Variants in ARHGAP24 observed in about 807,000 individuals in gnomAD.
The protein encoded by ARHGAP24 is rho GTPase-activating protein 24.
Under a neutral mutation model 76.4 loss-of-function variants are expected in ARHGAP24, and 50 were observed. That is an observed-to-expected ratio of 0.65 (90% CI 0.52 to 0.83). The LOEUF is 0.83. Among genes scored for constraint, ARHGAP24 ranks in the 40% least tolerant of loss-of-function variants. ARHGAP24 has a pLI of 0.00. For missense variants in ARHGAP24, 930 were observed against 914.2 expected (o/e 1.02, Z -0.22); for synonymous variants, 345 against 323.3 (o/e 1.07, Z -0.72).
At chr4:85,569,682 A>G (rs1726997914) in intron 1 of ARHGAP24, among the ~76,000 whole-genome samples, 1 of 152,202 alleles carries the variant, frequency 6.6e-6, no homozygotes, top group Non-Finnish European at 1.5e-5. Context: ...TAGCAAAAGC[A>G]GGTGTTTTTG....
At chr4:85,512,420 T>C (rs1724321036) in intron 1 of ARHGAP24, among the ~76,000 whole-genome samples, 1 of 152,248 alleles carries the variant, frequency 6.6e-6, no homozygotes, top group Admixed American at 6.5e-5. Context: ...CCTGGCTTAG[T>C]GTAGTTGCAC....
rs1023368926 is a variant in ARHGAP24 at position 85,663,058 on chromosome 4, G to A, written c.181-58827G>A. 5.9e-5 allele frequency among the ~76,000 whole-genome samples: 9 copies of A among 151,992 alleles called. 1 individual carries two copies. Among genetic ancestry groups the A allele is most frequent in the African/African-American group, 2.2e-4 (9 of 41,354 alleles). The stretch of plus-strand genomic sequence containing the variant: ...AGTTTTTTCCAATTCTCTAAAGAAA[G>A]TCATTGGTAGCTTGATGGGGATGGC... On this transcript the variant is annotated intron_variant, in intron 2 of 9. Coordinates refer to ENST00000395184, the MANE Select transcript of ARHGAP24 (RefSeq NM_001025616.3).
chr4:85,689,412 AG>A (rs1723548630), intron 2 of ARHGAP24, among the ~76,000 whole-genome samples: 1 of 151,970 alleles, frequency 6.6e-6, no homozygotes, highest in Admixed American at 6.6e-5. Flanking sequence ...TTTGAAACAG[AG>A]TCTTGCTCTG....
intron 2 of ARHGAP24, among the ~76,000 whole-genome samples, chr4:85,645,149 T>A (rs1486942833): frequency 6.6e-6 from 1 of 152,140 alleles, no homozygotes; most frequent in Admixed American, 6.6e-5. Context: ...GTTTGTAGCT[T>A]AAGATAAAAA....
At chr4:85,705,120 A>T (rs951387194) in intron 2 of ARHGAP24, among the ~76,000 whole-genome samples, 8 of 152,128 alleles carry the variant, frequency 5.3e-5, no homozygotes, top group African/African-American at 1.9e-4. Context: ...ATAATAACAC[A>T]CTATAATTTG....
At chr4:85,732,949 C>T (rs1014460608) in intron 3 of ARHGAP24, among the ~76,000 whole-genome samples, 23 of 151,364 alleles carry the variant, frequency 1.5e-4, no homozygotes, top group Non-Finnish European at 2.4e-4. Flanking sequence ...GCACCTGCCT[C>T]GGCCTCCCAA....
intron 3 of ARHGAP24, among the ~76,000 whole-genome samples, chr4:85,844,762 A>G (rs1012885634): frequency 3.9e-5 from 6 of 152,188 alleles, no homozygotes; most frequent in African/African-American, 9.6e-5. Context: ...TTGTTGCTGT[A>G]TCTCATAATT....
chr4:85,654,531 G>A (rs1007245660), intron 2 of ARHGAP24, among the ~76,000 whole-genome samples: 1 of 152,148 alleles, frequency 6.6e-6, no homozygotes, highest in Non-Finnish European at 1.5e-5. Flanking sequence ...GAAAAGGTCA[G>A]TAGTTGTTAG....
intron 3 of ARHGAP24, among the ~76,000 whole-genome samples, chr4:85,823,569 T>C (rs1729572198): frequency 6.6e-6 from 1 of 152,182 alleles, no homozygotes; most frequent in Non-Finnish European, 1.5e-5. Context: ...CTGACACTGT[T>C]ATCACTCAGC....
chr4:85,534,053 A>C (rs1725371863), intron 1 of ARHGAP24, among the ~76,000 whole-genome samples: 1 of 152,212 alleles, frequency 6.6e-6, no homozygotes, highest in Non-Finnish European at 1.5e-5. Flanking sequence ...AATGAGTAGC[A>C]TAATGATCTG....
intron 4 of ARHGAP24, among the ~76,000 whole-genome samples, chr4:85,927,464 A>C (rs1187715255): frequency 6.6e-6 from 1 of 152,208 alleles, no homozygotes; most frequent in African/African-American, 2.4e-5. Flanking sequence ...TGAATTGTAC[A>C]TTTTAAACTG....
chr4:85,530,792 G>T (rs574189082), intron 1 of ARHGAP24, among the ~76,000 whole-genome samples: 93 of 152,060 alleles, frequency 6.1e-4, no homozygotes, highest in Non-Finnish European at 1.1e-3. Flanking sequence ...ATTATGCAAA[G>T]ATCCCTAGGA....
chr4:85,862,861 A>G (rs1273691045), intron 3 of ARHGAP24, among the ~76,000 whole-genome samples: 1 of 152,002 alleles, frequency 6.6e-6, no homozygotes, highest in Non-Finnish European at 1.5e-5. Flanking sequence ...ACATCTTCCT[A>G]CTTTTCTTTG....
At chr4:85,780,686 A>C (rs939903236) in intron 3 of ARHGAP24, among the ~76,000 whole-genome samples, 2 of 152,208 alleles carry the variant, frequency 1.3e-5, no homozygotes, top group Non-Finnish European at 2.9e-5. Context: ...GACGAATAAG[A>C]GGCAATAACT....
intron 2 of ARHGAP24, among the ~76,000 whole-genome samples, chr4:85,630,178 T>C (rs909261989): frequency 7.2e-5 from 11 of 152,202 alleles, no homozygotes; most frequent in Admixed American, 7.2e-4. Context: ...TTTTCAGCTA[T>C]AGAATATCTG....
intron 3 of ARHGAP24, among the ~76,000 whole-genome samples, chr4:85,728,921 T>C (rs1366936307): frequency 6.6e-6 from 1 of 152,248 alleles, no homozygotes; most frequent in African/African-American, 2.4e-5. Flanking sequence ...ATATTTGACA[T>C]ATATTTTATA....
intron 3 of ARHGAP24, among the ~76,000 whole-genome samples, chr4:85,817,411 C>T (rs1216585371): frequency 6.6e-6 from 1 of 152,236 alleles, no homozygotes; most frequent in Middle Eastern, 3.4e-3. Context: ...ATTCTATAAT[C>T]CATTTCAAGG....
intron 2 of ARHGAP24, among the ~76,000 whole-genome samples, chr4:85,637,668 C>G (rs1194919467): frequency 1.3e-5 from 2 of 151,756 alleles, no homozygotes; most frequent in Non-Finnish European, 2.9e-5. Flanking sequence ...TTAATATTTT[C>G]AATACATAAT....
intron 5 of ARHGAP24, among the ~76,000 whole-genome samples, chr4:85,944,647 C>T (rs1468354696): frequency 6.6e-6 from 1 of 152,014 alleles, no homozygotes; most frequent in East Asian, 1.9e-4. Context: ...TTGTCTGGGG[C>T]CTCTTTTTTA....
Sources: allele counts gnomAD v4.1 joint callset (sites outside exome capture counted in the v4.1 genomes callset), GRCh38; gene constraint gnomAD v4.1.1; transcripts MANE v1.5; gene names NCBI Gene and HGNC (gene_info 2026-07-23, HGNC 2026-07-21).